SYT3: variants seen among roughly 807,000 people sequenced by gnomAD.
SYT3 encodes the protein synaptotagmin 3, also known as synaptotagmin-3.
A neutral mutation model predicts 50.6 loss-of-function variants in SYT3; 25 were observed. The observed-to-expected ratio is 0.49, with a 90% CI of 0.36 to 0.69. The LOEUF (loss-of-function observed/expected upper bound fraction) is 0.69. Ranked by LOEUF, SYT3 falls within the 30% of genes least tolerant of loss-of-function variation. The pLI, the probability that SYT3 is intolerant of heterozygous loss-of-function variation, is 0.00. For synonymous variants in SYT3, 323 were observed against 353.9 expected (o/e 0.91, Z 0.98); for missense variants, 589 against 793.6 (o/e 0.74, Z 3.10).
the SYT3 span, among the ~76,000 whole-genome samples, chr19:50,650,971 T>G: frequency 1.3e-5 from 2 of 152,210 alleles, no homozygotes; most frequent in Admixed American, 6.5e-5. Context: ...TTGGCTAGTT[T>G]TGTTGATCGA....
At chr19:50,653,658 G>T in the SYT3 span, among the ~76,000 whole-genome samples, 1 of 147,500 alleles carries the variant, frequency 6.8e-6, no homozygotes, top group East Asian at 2.0e-4. Context: ...AGTTGAATGT[G>T]TTGACTTATT....
chr19:50,625,615 G>C lies in SYT3; in HGVS notation c.1403-51C>G. 1 of 1,518,872 alleles carries C rather than the reference G, an allele frequency of 6.6e-7. No individual in the cohort carries two copies. Among genetic ancestry groups the C allele is most frequent in the South Asian group, 1.3e-5 (1 of 75,324 alleles). The allele number at this position is 1,518,872 out of a possible 1,614,324, so 94.1% of individuals were successfully genotyped here. ...CAGAGACTCACTCCCTCAGACCTAG[G>C]GGTCCAGGACCCCAGGCCCCGAGCC... On this transcript the variant is annotated intron_variant, in intron 7 of 10. Transcript: ENST00000600079. This position sits in a 1 kb window ranked among gnomAD's most constrained non-coding sequence, Gnocchi z 7.5.
the SYT3 span, chr19:50,656,177 G>A: frequency 6.5e-7 from 1 of 1,536,140 alleles, no homozygotes. Flanking sequence ...AAATGTGATG[G>A]CAGTGAACCC....
At chr19:50,640,032 GAC>G (rs142051798), upstream of SYT3, among the ~76,000 whole-genome samples, 121 of 152,318 alleles carry the variant, frequency 7.9e-4, 2 homozygotes, top group East Asian at 0.021. Flanking sequence ...CCACACTGGG[GAC>G]CCAGAGATCT....
the SYT3 span, chr19:50,658,063 G>A: frequency 1.3e-6 from 2 of 1,535,938 alleles, no homozygotes; most frequent in African/African-American, 2.7e-5. Context: ...TGGAGAGCGG[G>A]CGCGTGAGCA....
chr19:50,641,401 C>G (rs1984678491), upstream of SYT3, among the ~76,000 whole-genome samples: 1 of 150,474 alleles, frequency 6.6e-6, no homozygotes, highest in African/African-American at 2.4e-5. Flanking sequence ...GATCTCCTGA[C>G]CTTGTGATCC....
the SYT3 span, among the ~76,000 whole-genome samples, chr19:50,648,479 T>C: frequency 6.6e-6 from 1 of 152,130 alleles, no homozygotes; most frequent in Non-Finnish European, 1.5e-5. Flanking sequence ...AAGGTCCAGC[T>C]TCCTCTCCCA....
At chr19:50,636,114 C>T (rs1291130954) in intron 3 of SYT3, among the ~76,000 whole-genome samples, 6 of 151,904 alleles carry the variant, frequency 3.9e-5, no homozygotes, top group African/African-American at 7.3e-5. Context: ...ATTAACTGGG[C>T]GTGGTGGCAG....
chr19:50,652,870 C>T, the SYT3 span, among the ~76,000 whole-genome samples: 3 of 152,068 alleles, frequency 2.0e-5, no homozygotes, highest in African/African-American at 4.8e-5. Context: ...ATTGAGAACA[C>T]GCACACTGGA....
At chr19:50,638,123 G>A (rs1984555201) in intron 2 of SYT3, 1 of 152,320 alleles carries the variant, frequency 6.6e-6, no homozygotes, top group Non-Finnish European at 1.5e-5. Flanking sequence ...GGACACAGCT[G>A]GAGAATGTGT....
At chr19:50,648,696 C>T in the SYT3 span, among the ~76,000 whole-genome samples, 172 of 91,738 alleles carry the variant, frequency 1.9e-3, 1 homozygote, top group South Asian at 0.011. Flanking sequence ...CCACCCCTCC[C>T]CCTCCCTCTG....
Position 50,629,508 on chromosome 19 carries a change from T to C in SYT3, c.1067A>G (p.His356Arg). The C allele has an allele frequency of 6.2e-7, 1 of 1,612,708 alleles. No individual in the cohort carries two copies. The highest frequency in any genetic ancestry group is 8.5e-7 in the Non-Finnish European group (1 of 1,179,436). ...DRKKKFQTKV[H>R]RKTLNPVFNE... is the part of the protein sequence containing the mutation. ...GAAGACGGGGTTCAGGGTCTTCCTG[T>C]GCACCTGGTGGTGGTGGGCGACAGG... Residue 356 changes from histidine (H) to arginine (R), a missense_variant, in exon 6 of 11, where the codon CAC (histidine) becomes CGC (arginine). By Grantham distance (29) the His-to-Arg change is conservative (BLOSUM62 0). This residue lies in a region of SYT3 where 273 missense variants were observed against 439.3 expected (regional missense o/e 0.62). Transcript: ENST00000600079.
the SYT3 span, among the ~76,000 whole-genome samples, chr19:50,654,686 T>C: frequency 2.1e-5 from 3 of 145,660 alleles, no homozygotes; most frequent in Non-Finnish European, 4.5e-5. Context: ...CTGAAGTGCA[T>C]TGGTACAATC....
In SYT3 at chr19:50,625,683, G is replaced by A; in HGVS notation, c.1403-119C>T. ...AGAGGTCCGGGGCCCCAGGCCCCCA[G>A]TCCCTCCTTCCTCAGGCCCAAGAGT... is the stretch of plus-strand genomic sequence containing the variant. On this transcript the variant is annotated intron_variant, in intron 7 of 10. Coordinates refer to ENST00000600079, the MANE Select transcript of SYT3 (RefSeq NM_001160329.2). The surrounding 1 kb of genome is among the most constrained non-coding windows in gnomAD (Gnocchi z 7.5). 7.1e-7 allele frequency: 1 copy of A among 1,400,676 alleles called. No homozygotes were observed. The highest frequency in any genetic ancestry group is 9.5e-7 in the Non-Finnish European group (1 of 1,051,536). The allele number at this position is 1,400,676 out of a possible 1,614,324, so 86.8% of individuals were successfully genotyped here. A position where few individuals can be genotyped will look rare whatever the true frequency, so the allele number is the denominator to read the frequency against.
the SYT3 span, among the ~76,000 whole-genome samples, chr19:50,654,111 T>A: frequency 1.3e-5 from 2 of 151,978 alleles, no homozygotes; most frequent in Admixed American, 6.6e-5. Flanking sequence ...CGGGAAATGT[T>A]TTATGTTCGG....
At chr19:50,656,329 C>G in the SYT3 span, 2 of 1,536,008 alleles carry the variant, frequency 1.3e-6, no homozygotes, top group Non-Finnish European at 1.7e-6. Flanking sequence ...GCCCCTCTGC[C>G]TCTGCATGGA....
At chr19:50,628,824 TC>T (rs1984169421) in intron 6 of SYT3, among the ~76,000 whole-genome samples, 1 of 124,272 alleles carries the variant, frequency 8.0e-6, no homozygotes, top group African/African-American at 2.9e-5. Flanking sequence ...CATTATCTGT[TC>T]TTTTTTTTTT....
At chr19:50,645,647 G>A in the SYT3 span, among the ~76,000 whole-genome samples, 1 of 152,192 alleles carries the variant, frequency 6.6e-6, no homozygotes. Context: ...GGGAGGCTGA[G>A]GCAGGCAGAT....
chr19:50,636,327 T>C (rs1164627344), intron 3 of SYT3, among the ~76,000 whole-genome samples: 1 of 152,196 alleles, frequency 6.6e-6, no homozygotes, highest in Non-Finnish European at 1.5e-5. Context: ...TAGCAAATCA[T>C]TGAACCTGAG....
Sources: allele counts gnomAD v4.1 joint callset (sites outside exome capture counted in the v4.1 genomes callset), GRCh38; gene constraint gnomAD v4.1.1; regional missense constraint gnomAD v4.1.1; non-coding constraint Gnocchi (gnomAD v3.1); transcripts MANE v1.5; gene names NCBI Gene and HGNC (gene_info 2026-07-23, HGNC 2026-07-21).